GRM1: variants seen among roughly 807,000 people sequenced by gnomAD.
GRM1 encodes glutamate metabotropic receptor 1.
In GRM1, 33 loss-of-function variants were observed where a neutral mutation model predicts 90.9. The ratio of observed to expected loss-of-function variants is 0.36; its 90% CI spans 0.28 to 0.49. The LOEUF (loss-of-function observed/expected upper bound fraction) is 0.49. GRM1 is among the 20% of genes least tolerant of loss of function. GRM1 has a pLI of 0.99. For missense variants in GRM1, 1,190 were observed against 1,534.3 expected (o/e 0.78, Z 3.75); for synonymous variants, 700 against 613.2 (o/e 1.14, Z -2.09).
chr6:146,155,819 A>C (rs959021823), intron 1 of GRM1, among the ~76,000 whole-genome samples: 1 of 152,180 alleles, frequency 6.6e-6, no homozygotes, highest in Admixed American at 6.5e-5. Flanking sequence ...GCCCATGCAC[A>C]GCCTGGTAGT....
At chr6:146,355,295 C>T (rs755399763) in intron 4 of GRM1, among the ~76,000 whole-genome samples, 8 of 152,072 alleles carry the variant, frequency 5.3e-5, no homozygotes, top group Non-Finnish European at 1.0e-4. Context: ...TGAGTGTGAG[C>T]CAGCAGCCCA....
intron 7 of GRM1, among the ~76,000 whole-genome samples, chr6:146,417,148 A>G (rs948061455): frequency 3.9e-5 from 6 of 152,190 alleles, no homozygotes; most frequent in African/African-American, 1.2e-4. Context: ...TGTATCAAGA[A>G]TCATCAAAAA....
At chr6:146,401,788 T>C (rs913238287) in intron 7 of GRM1, among the ~76,000 whole-genome samples, 7 of 152,224 alleles carry the variant, frequency 4.6e-5, no homozygotes, top group Non-Finnish European at 1.0e-4. Flanking sequence ...GGAATATGCA[T>C]TTTTGAAAGC....
At chr6:146,312,311 G>A (rs1212169829) in intron 3 of GRM1, among the ~76,000 whole-genome samples, 2 of 137,216 alleles carry the variant, frequency 1.5e-5, no homozygotes, top group South Asian at 2.3e-4. Context: ...ACTGCAGTCC[G>A]GCCTGGGTGA....
At chr6:146,341,057 C>T (rs1278936318) in intron 3 of GRM1, among the ~76,000 whole-genome samples, 1 of 152,184 alleles carries the variant, frequency 6.6e-6, no homozygotes, top group Admixed American at 6.5e-5. Flanking sequence ...TGCTGTACTA[C>T]CACTGCATTT....
At chr6:146,278,908 T>A (rs1055184203) in intron 2 of GRM1, among the ~76,000 whole-genome samples, 1 of 152,160 alleles carries the variant, frequency 6.6e-6, no homozygotes, top group Non-Finnish European at 1.5e-5. Flanking sequence ...GGTTTCACCG[T>A]GTTAGTCAGG....
chr6:146,427,167 A>G (rs998766719), intron 7 of GRM1, among the ~76,000 whole-genome samples: 3 of 152,138 alleles, frequency 2.0e-5, no homozygotes, highest in Admixed American at 6.5e-5. Context: ...AGCACAAAAC[A>G]AAAGTTTTGT....
chr6:146,087,013 T>C (rs571751770), intron 1 of GRM1, among the ~76,000 whole-genome samples: 1 of 152,250 alleles, frequency 6.6e-6, no homozygotes, highest in Admixed American at 6.5e-5. Flanking sequence ...GAAAATTATC[T>C]TTCGTCTGAA....
chr6:146,061,066 A>G (rs1775650170), intron 1 of GRM1, among the ~76,000 whole-genome samples: 1 of 152,076 alleles, frequency 6.6e-6, no homozygotes, highest in South Asian at 2.1e-4. Flanking sequence ...GCCTGTGGAG[A>G]GGGAGAGAGA....
At chr6:146,098,598 A>C (rs1216612447) in intron 1 of GRM1, among the ~76,000 whole-genome samples, 1 of 152,014 alleles carries the variant, frequency 6.6e-6, no homozygotes, top group Non-Finnish European at 1.5e-5. Flanking sequence ...TTTTCCTACT[A>C]TTACCTAAAG....
intron 5 of GRM1, among the ~76,000 whole-genome samples, chr6:146,385,108 T>A (rs1252299945): frequency 6.6e-6 from 1 of 152,020 alleles, no homozygotes; most frequent in Non-Finnish European, 1.5e-5. Flanking sequence ...GGCTGTAAAA[T>A]TTTAAATGTA....
intron 1 of GRM1, among the ~76,000 whole-genome samples, chr6:146,139,536 G>A (rs1325256397): frequency 6.6e-6 from 1 of 151,818 alleles, no homozygotes; most frequent in Non-Finnish European, 1.5e-5. Context: ...ATATCCTCTT[G>A]GTGAATTGAC....
At chr6:146,391,442 A>C (rs961805267) in intron 6 of GRM1, among the ~76,000 whole-genome samples, 1 of 152,098 alleles carries the variant, frequency 6.6e-6, no homozygotes, top group South Asian at 2.1e-4. Context: ...CAACTCTCAC[A>C]AAGTCCCCCT....
At chr6:146,127,939 G>A (rs1583041193) in intron 1 of GRM1, among the ~76,000 whole-genome samples, 2 of 152,118 alleles carry the variant, frequency 1.3e-5, no homozygotes, top group East Asian at 3.9e-4. Context: ...CAAAGGCTGG[G>A]GGATGGAATC....
intron 2 of GRM1, chr6:146,171,238 T>C (rs985434709): frequency 6.6e-6 from 1 of 152,204 alleles, no homozygotes; most frequent in Admixed American, 6.5e-5. Context: ...CTATAATAAA[T>C]TACCACAACG....
At chr6:146,412,076 C>T (rs552550483) in intron 7 of GRM1, among the ~76,000 whole-genome samples, 1 of 152,314 alleles carries the variant, frequency 6.6e-6, no homozygotes, top group African/African-American at 2.4e-5. Context: ...CCTCCATCCC[C>T]TCCTTCTGCC....
At chr6:146,296,760 A>T (rs1295797093) in intron 2 of GRM1, among the ~76,000 whole-genome samples, 2 of 152,234 alleles carry the variant, frequency 1.3e-5, no homozygotes, top group African/African-American at 4.8e-5. Context: ...ACTCTTGTGC[A>T]TGGTGACTTT....
At chr6:146,319,006 C>T (rs1784075740) in intron 3 of GRM1, among the ~76,000 whole-genome samples, 1 of 152,084 alleles carries the variant, frequency 6.6e-6, no homozygotes, top group Non-Finnish European at 1.5e-5. Flanking sequence ...AATTAGATAC[C>T]ATTTGTCAAT....
intron 1 of GRM1, among the ~76,000 whole-genome samples, chr6:146,111,504 G>A (rs1014201127): frequency 4.6e-5 from 7 of 152,208 alleles, no homozygotes; most frequent in Admixed American, 2.0e-4. Context: ...TGATAACATA[G>A]TCACAGCAGA....
Sources: allele counts gnomAD v4.1 joint callset (sites outside exome capture counted in the v4.1 genomes callset), GRCh38; gene constraint gnomAD v4.1.1; transcripts MANE v1.5; gene names NCBI Gene and HGNC (gene_info 2026-07-23, HGNC 2026-07-21).